Variants in ACTR3C observed in about 807,000 individuals in gnomAD.
The protein encoded by ACTR3C is actin related protein 3C.
Under a neutral mutation model 26.3 loss-of-function variants are expected in ACTR3C, and 18 were observed. The ratio of observed to expected loss-of-function variants is 0.68; its 90% CI spans 0.47 to 1.01. The LOEUF (loss-of-function observed/expected upper bound fraction) is 1.01. ACTR3C is among the 50% of genes least tolerant of loss of function. The pLI, the probability that ACTR3C is intolerant of heterozygous loss-of-function variation, is 0.00. For missense variants in ACTR3C, 184 were observed against 250.7 expected, an observed-to-expected ratio of 0.73 and a Z score of 1.80; for synonymous variants, 55 against 94.5, an observed-to-expected ratio of 0.58 and a Z score of 2.42.
the ACTR3C span, among the ~76,000 whole-genome samples, chr7:150,188,705 A>T: frequency 1.3e-5 from 2 of 150,746 alleles, no homozygotes; most frequent in African/African-American, 5.0e-5. Context: ...CTTGATTATC[A>T]TGGTGCTGAT....
the ACTR3C span, among the ~76,000 whole-genome samples, chr7:150,107,710 G>C: frequency 2.0e-5 from 3 of 151,506 alleles, no homozygotes; most frequent in African/African-American, 7.3e-5. Context: ...GGAGGTAGGG[G>C]GAGAGAGCTA....
At chr7:149,916,922 A>C in the ACTR3C span, among the ~76,000 whole-genome samples, 7 of 152,188 alleles carry the variant, frequency 4.6e-5, no homozygotes, top group Non-Finnish European at 7.3e-5. Flanking sequence ...TTAAGCAAAG[A>C]ATATGTTATA....
the ACTR3C span, among the ~76,000 whole-genome samples, chr7:150,209,574 C>A: frequency 6.6e-6 from 1 of 150,562 alleles, no homozygotes; most frequent in Admixed American, 6.6e-5. Context: ...ATCCACATTG[C>A]AAGCATCTTC....
chr7:150,238,121 A>G, the ACTR3C span, among the ~76,000 whole-genome samples: 1 of 148,030 alleles, frequency 6.8e-6, no homozygotes, highest in Non-Finnish European at 1.5e-5. Flanking sequence ...AACAACCATA[A>G]CTTTAGTTTA....
At chr7:149,918,945 C>T in the ACTR3C span, among the ~76,000 whole-genome samples, 34 of 152,174 alleles carry the variant, frequency 2.2e-4, no homozygotes, top group African/African-American at 6.0e-4. Context: ...GGAGCAAGTG[C>T]GGACAGCCCA....
At chr7:150,047,403 C>T in the ACTR3C span, among the ~76,000 whole-genome samples, 1 of 152,168 alleles carries the variant, frequency 6.6e-6, no homozygotes, top group Non-Finnish European at 1.5e-5. Flanking sequence ...TCCCGGCCGC[C>T]GCGGCTGCAG....
chr7:150,229,440 G>T, the ACTR3C span, among the ~76,000 whole-genome samples: 1 of 151,786 alleles, frequency 6.6e-6, no homozygotes, highest in Non-Finnish European at 1.5e-5. Flanking sequence ...TTGGTATGAT[G>T]ATATATTTTG....
the ACTR3C span, among the ~76,000 whole-genome samples, chr7:150,234,368 G>C: frequency 1.3e-5 from 2 of 152,160 alleles, no homozygotes; most frequent in Non-Finnish European, 2.9e-5. Context: ...TCCCTCACTG[G>C]AGGGTAGGTC....
the ACTR3C span, among the ~76,000 whole-genome samples, chr7:150,075,909 C>T: frequency 1.3e-5 from 2 of 152,156 alleles, no homozygotes; most frequent in Non-Finnish European, 2.9e-5. Context: ...AGACGAGCCC[C>T]TCTGCTCGGA....
chr7:150,310,259 T>TA (rs1406651847), intron 1 of ACTR3C, among the ~76,000 whole-genome samples: 1 of 152,158 alleles, frequency 6.6e-6, no homozygotes, highest in Non-Finnish European at 1.5e-5. Context: ...GGGATACCTC[T>TA]ACTTGTTCTC....
chr7:150,156,523 G>T, the ACTR3C span, among the ~76,000 whole-genome samples: 1 of 151,728 alleles, frequency 6.6e-6, no homozygotes, highest in African/African-American at 2.4e-5. Context: ...CATAGAATAG[G>T]TATCCTGGTG....
the ACTR3C span, among the ~76,000 whole-genome samples, chr7:150,164,377 T>C: frequency 6.6e-6 from 1 of 152,180 alleles, no homozygotes; most frequent in African/African-American, 2.4e-5. Flanking sequence ...AGTGGTCAGA[T>C]CCTCGGTGTG....
chr7:149,927,101 C>G, the ACTR3C span, among the ~76,000 whole-genome samples: 1 of 151,834 alleles, frequency 6.6e-6, no homozygotes, highest in Non-Finnish European at 1.5e-5. Flanking sequence ...GCACTTTTAC[C>G]GAACTGGTCT....
At chr7:150,055,636 C>T in the ACTR3C span, among the ~76,000 whole-genome samples, 4 of 151,952 alleles carry the variant, frequency 2.6e-5, no homozygotes, top group South Asian at 8.3e-4. Context: ...AGGTAGAAAT[C>T]AAAAGGGAAT....
chr7:150,172,146 T>C, the ACTR3C span, among the ~76,000 whole-genome samples: 1 of 150,738 alleles, frequency 6.6e-6, no homozygotes, highest in East Asian at 1.9e-4. Context: ...AAGAGACTAT[T>C]AAGAAAATTT....
the ACTR3C span, among the ~76,000 whole-genome samples, chr7:149,883,013 T>C: frequency 6.6e-6 from 1 of 152,186 alleles, no homozygotes; most frequent in Non-Finnish European, 1.5e-5. Context: ...AAGACACTCC[T>C]GGACACACAT....
the ACTR3C span, among the ~76,000 whole-genome samples, chr7:150,066,092 G>C: frequency 6.6e-6 from 1 of 152,310 alleles, no homozygotes; most frequent in African/African-American, 2.4e-5. Flanking sequence ...CAAAACAAAT[G>C]TTATCTTAAG....
chr7:150,123,002 A>C, the ACTR3C span, among the ~76,000 whole-genome samples: 1 of 150,232 alleles, frequency 6.7e-6, no homozygotes, highest in African/African-American at 2.5e-5. Flanking sequence ...ACCAAACACC[A>C]TGTGTTCTCA....
chr7:150,026,581 C>A, the ACTR3C span, among the ~76,000 whole-genome samples: 1 of 151,986 alleles, frequency 6.6e-6, no homozygotes, highest in Non-Finnish European at 1.5e-5. Context: ...GTTTCCCATA[C>A]CTTCAATTAA....
Sources: allele counts gnomAD v4.1 joint callset (sites outside exome capture counted in the v4.1 genomes callset), GRCh38; gene constraint gnomAD v4.1.1; transcripts MANE v1.5; gene names NCBI Gene and HGNC (gene_info 2026-07-23, HGNC 2026-07-21).